PHTF2: variants seen among roughly 807,000 people sequenced by gnomAD.
The protein encoded by PHTF2 is protein PHTF2.
Under a neutral mutation model 101.2 loss-of-function variants are expected in PHTF2, and 60 were observed. That is an observed-to-expected ratio of 0.59 (90% CI 0.48 to 0.73). PHTF2 has a LOEUF of 0.73. PHTF2 is among the 30% of genes least tolerant of loss of function. The probability of loss-of-function intolerance (pLI) is 0.00; values close to 1 mark genes in which losing one functional copy is unlikely to be tolerated. For missense variants in PHTF2, 747 were observed against 908.7 expected (o/e 0.82, Z 2.29); for synonymous variants, 311 against 307.3 (o/e 1.01, Z -0.13).
intron 2 of PHTF2, among the ~76,000 whole-genome samples, chr7:77,845,629 TA>T (rs1796215026): frequency 6.6e-6 from 1 of 152,172 alleles, no homozygotes; most frequent in Non-Finnish European, 1.5e-5. Context: ...TCAGCCATGT[TA>T]ATGTGTGTGT....
intron 2 of PHTF2, among the ~76,000 whole-genome samples, chr7:77,841,452 T>A (rs1795881256): frequency 6.6e-6 from 1 of 152,134 alleles, no homozygotes; most frequent in Non-Finnish European, 1.5e-5. Context: ...TTAGACAAAC[T>A]AAGAATATGG....
At position 77,893,980 on chromosome 7, in the gene PHTF2, A is replaced by G. The variant is rs1800671287; in HGVS notation, c.205-2A>G. 2.5e-6 allele frequency: 4 copies of G among 1,599,014 alleles called. No individual in the cohort carries two copies. The highest frequency in any genetic ancestry group is 3.4e-6 in the Non-Finnish European group (4 of 1,166,468). ...TTTTGATGCTGTCATTGCTCTGTAC[A>G]GTTTATTAAACTGGTAAGTGTTTCA... On this transcript the variant is annotated splice_acceptor_variant, in intron 4 of 19. Transcript: ENST00000416283. LOFTEE classifies it high-confidence loss of function.
At chr7:77,813,218 A>C (rs752496104) in intron 1 of PHTF2, among the ~76,000 whole-genome samples, 7 of 152,214 alleles carry the variant, frequency 4.6e-5, no homozygotes, top group Admixed American at 4.6e-4. Flanking sequence ...GAGATGTGCA[A>C]AAACTGAGCT....
intron 18 of PHTF2, among the ~76,000 whole-genome samples, chr7:77,952,681 C>T (rs1227155536): frequency 1.3e-5 from 2 of 152,080 alleles, no homozygotes; most frequent in Admixed American, 1.3e-4. Flanking sequence ...TAGGAAGGGG[C>T]TACAAAGGTG....
At chr7:77,906,212 T>C (rs1266038975) in intron 7 of PHTF2, 1 of 152,292 alleles carries the variant, frequency 6.6e-6, no homozygotes, top group Non-Finnish European at 1.5e-5. Context: ...GGTCTCAAAC[T>C]CCTGACCTCG....
chr7:77,887,009 A>G (rs1329977775), intron 3 of PHTF2, among the ~76,000 whole-genome samples: 3 of 150,594 alleles, frequency 2.0e-5, no homozygotes, highest in Admixed American at 6.6e-5. Context: ...TCATGCTACT[A>G]CACTCCAGTC....
exon 20 of PHTF2, chr7:77,954,897 A>G (rs779759520): frequency 2.8e-6 from 4 of 1,416,886 alleles, no homozygotes; most frequent in Non-Finnish European, 2.9e-6. Flanking sequence ...AGAAAAGAAG[A>G]TGTAGCCTCT....
chr7:77,954,539 T>C lies in PHTF2; in HGVS notation c.2338-319T>C, dbSNP rs112405112. 6.9e-3 allele frequency among the ~76,000 whole-genome samples: 1,043 copies of C among 150,432 alleles called. 4 individuals carry two copies. The highest frequency in any genetic ancestry group is 0.024 in the African/African-American group (971 of 41,020). ...GTTGTATTATTTATCTGTATAGCAATGCATACATCTTCCAATATATGCACA... is the reference window on the plus strand; with the variant it reads ...GTTGTATTATTTATCTGTATAGCAACGCATACATCTTCCAATATATGCACA... On this transcript the variant is annotated intron_variant, in intron 19 of 19. Coordinates refer to ENST00000416283, the Ensembl canonical transcript of PHTF2.
intron 11 of PHTF2, chr7:77,924,133 TA>T (rs1195645678): frequency 2.4e-5 from 23 of 957,510 alleles, no homozygotes; most frequent in African/African-American, 8.8e-5. Context: ...AGGGCGTTTC[TA>T]AAAAAAAGCA....
chr7:77,922,634 G>A (rs1803581325), exon 11 of PHTF2: 1 of 1,609,252 alleles, frequency 6.2e-7, no homozygotes, highest in African/African-American at 1.3e-5. Flanking sequence ...ATACCCAAAG[G>A]ACAATAACAA....
chr7:77,896,823 G>A (rs1157210894), intron 5 of PHTF2, among the ~76,000 whole-genome samples: 1 of 152,180 alleles, frequency 6.6e-6, no homozygotes, highest in African/African-American at 2.4e-5. Flanking sequence ...AATGTATTGA[G>A]TTTGTCCAAT....
At chr7:77,951,673 A>G in exon 18 of PHTF2, 1 of 1,483,890 alleles carries the variant, frequency 6.7e-7, no homozygotes, top group Non-Finnish European at 9.1e-7. Flanking sequence ...AACTGACACT[A>G]GTGAATAATG....
chr7:77,952,620 G>T (rs2057957464), intron 18 of PHTF2, among the ~76,000 whole-genome samples: 1 of 152,176 alleles, frequency 6.6e-6, no homozygotes, highest in Non-Finnish European at 1.5e-5. Flanking sequence ...TAATAGTTTT[G>T]TGTTTGCTTG....
chr7:77,811,529 A>G (rs1390986029), intron 1 of PHTF2, among the ~76,000 whole-genome samples: 1 of 152,160 alleles, frequency 6.6e-6, no homozygotes, highest in Non-Finnish European at 1.5e-5. Context: ...ATAATTTTGT[A>G]ATTTCTTTTA....
intron 3 of PHTF2, among the ~76,000 whole-genome samples, chr7:77,892,489 T>C (rs1800525243): frequency 6.6e-6 from 1 of 152,228 alleles, no homozygotes; most frequent in Non-Finnish European, 1.5e-5. Context: ...TTTCCTCCTG[T>C]ATTTTCTTAT....
chr7:77,885,214 C>T lies in PHTF2; in HGVS notation c.148-8394C>T, dbSNP rs1262074659. 2.6e-5 allele frequency among the ~76,000 whole-genome samples: 4 copies of T among 152,220 alleles called. No homozygotes were observed. The East Asian group carries it at 7.7e-4, about 29-fold the overall frequency. ...GCTCAATAAATCCTTGCCCCTCAGC[C>T]TCCCAAGTAGCTAGGACTACAGACA... On this transcript the variant is annotated intron_variant, in intron 3 of 19. Transcript: ENST00000416283.
chr7:77,924,882 C>G (rs185353930), intron 11 of PHTF2, among the ~76,000 whole-genome samples: 2 of 152,114 alleles, frequency 1.3e-5, no homozygotes, highest in Admixed American at 1.3e-4. Flanking sequence ...CATTTAATCC[C>G]CGGTTTTTGC....
chr7:77,929,033 A>C, intron 11 of PHTF2, 76 bp from the exon 11 acceptor site: 1 of 1,036,930 alleles, frequency 9.6e-7, no homozygotes, highest in South Asian at 1.5e-5. Flanking sequence ...GTATCAATAT[A>C]TGGGTTCTGA....
intron 1 of PHTF2, among the ~76,000 whole-genome samples, chr7:77,809,094 C>A (rs1411209076): frequency 6.6e-6 from 1 of 152,002 alleles, no homozygotes; most frequent in Non-Finnish European, 1.5e-5. Flanking sequence ...TAGCCAGAAC[C>A]AGAGTAGACT....
Sources: allele counts gnomAD v4.1 joint callset (sites outside exome capture counted in the v4.1 genomes callset), GRCh38; gene constraint gnomAD v4.1.1; transcripts MANE v1.5; gene names NCBI Gene and HGNC (gene_info 2026-07-23, HGNC 2026-07-21).